TCF12: variants seen among roughly 807,000 people sequenced by gnomAD.
TCF12 encodes the protein transcription factor 12, also known as DNA-binding protein HTF4.
A neutral mutation model predicts 86.0 loss-of-function variants in TCF12; 45 were observed. The observed-to-expected ratio is 0.52, with a 90% CI of 0.41 to 0.67. TCF12 has a LOEUF of 0.67. TCF12 is among the 30% of genes least tolerant of loss of function. The pLI is 0.00. For synonymous variants in TCF12, 330 were observed against 299.6 expected (o/e 1.10, Z -1.05); for missense variants, 881 against 859.9 (o/e 1.02, Z -0.31).
intron 3 of TCF12, among the ~76,000 whole-genome samples, chr15:56,948,368 T>A (rs188568659): frequency 1.9e-4 from 29 of 152,356 alleles, no homozygotes; most frequent in African/African-American, 7.0e-4. Flanking sequence ...GTTGCTCTGA[T>A]GTCATAATGA....
At chr15:57,248,192 G>A in intron 13 of TCF12, 1 of 664,362 alleles carries the variant, frequency 1.5e-6, no homozygotes. Flanking sequence ...GCCAGCACTG[G>A]GCCTAATGCA....
At chr15:57,242,873 A>G (rs997144665) in intron 12 of TCF12, among the ~76,000 whole-genome samples, 2 of 152,234 alleles carry the variant, frequency 1.3e-5, no homozygotes, top group Non-Finnish European at 2.9e-5. Context: ...TTTTTGAAGC[A>G]TAACAGGATT....
intron 5 of TCF12, among the ~76,000 whole-genome samples, chr15:57,151,688 C>T (rs1315370306): frequency 6.6e-6 from 1 of 151,986 alleles, no homozygotes; most frequent in African/African-American, 2.4e-5. Flanking sequence ...TCGTTTGAAC[C>T]CAGGAGGTGG....
chr15:57,029,700 C>T (rs889280188), intron 3 of TCF12, among the ~76,000 whole-genome samples: 2 of 152,142 alleles, frequency 1.3e-5, no homozygotes, highest in African/African-American at 4.8e-5. Flanking sequence ...AGTTCTGTTA[C>T]CCTATAAACC....
intron 13 of TCF12, 193 bp from the exon 14 acceptor site, chr15:57,251,157 C>A: frequency 8.9e-6 from 4 of 450,322 alleles, no homozygotes; most frequent in Non-Finnish European, 1.2e-5. Flanking sequence ...TCTCAGCACC[C>A]CATTTTTTTT....
chr15:56,945,807 G>A (rs2140395436), intron 3 of TCF12, among the ~76,000 whole-genome samples: 2 of 152,236 alleles, frequency 1.3e-5, no homozygotes, highest in Middle Eastern at 3.4e-3. Context: ...GGCTGTGAGG[G>A]CTTCATCCTC....
chr15:56,937,169 C>A (rs1424877375), intron 3 of TCF12, among the ~76,000 whole-genome samples: 1 of 152,056 alleles, frequency 6.6e-6, no homozygotes, highest in Non-Finnish European at 1.5e-5. Flanking sequence ...GGTAGTTTTC[C>A]TTGTAGACGT....
chr15:57,029,259 A>T (rs1229252918), intron 3 of TCF12, among the ~76,000 whole-genome samples: 1 of 151,466 alleles, frequency 6.6e-6, no homozygotes, highest in Non-Finnish European at 1.5e-5. Context: ...TTGGTGCCTT[A>T]GTTGAAAATC....
intron 6 of TCF12, among the ~76,000 whole-genome samples, chr15:57,178,032 T>C (rs2056079880): frequency 6.6e-6 from 1 of 152,208 alleles, no homozygotes; most frequent in Non-Finnish European, 1.5e-5. Flanking sequence ...GTTTATTCTT[T>C]CGTAAACTTA....
chr15:56,928,216 C>T (rs750708687), intron 3 of TCF12, among the ~76,000 whole-genome samples: 2 of 152,060 alleles, frequency 1.3e-5, no homozygotes, highest in Non-Finnish European at 2.9e-5. Context: ...TAATAATGCC[C>T]ACCTACAGAA....
chr15:56,933,989 A>G (rs1026973372), intron 3 of TCF12, among the ~76,000 whole-genome samples: 1 of 152,094 alleles, frequency 6.6e-6, no homozygotes, highest in Non-Finnish European at 1.5e-5. Context: ...ATGAATCATC[A>G]GAATCTCTTA....
intron 20 of TCF12, among the ~76,000 whole-genome samples, chr15:57,285,249 T>G (rs1480520136): frequency 6.6e-6 from 1 of 152,220 alleles, no homozygotes; most frequent in African/African-American, 2.4e-5. Context: ...TTGAATATCT[T>G]AGTTTTCCGT....
intron 5 of TCF12, among the ~76,000 whole-genome samples, chr15:57,145,248 G>A (rs1403939173): frequency 6.6e-6 from 1 of 152,130 alleles, no homozygotes; most frequent in Non-Finnish European, 1.5e-5. Context: ...TTACATTAAT[G>A]AGTATTGGTA....
intron 3 of TCF12, among the ~76,000 whole-genome samples, chr15:57,048,555 C>T (rs538785447): frequency 1.3e-5 from 2 of 152,278 alleles, no homozygotes; most frequent in South Asian, 2.1e-4. Context: ...GCCGCTGCAC[C>T]CAGCCTCCTC....
At chr15:57,130,920 G>A (rs975567458) in intron 5 of TCF12, among the ~76,000 whole-genome samples, 6 of 152,278 alleles carry the variant, frequency 3.9e-5, no homozygotes, top group African/African-American at 1.2e-4. Flanking sequence ...AAATTGGTAA[G>A]TCATGGAATT....
At chr15:56,943,011 A>G (rs570282635) in intron 3 of TCF12, among the ~76,000 whole-genome samples, 1 of 152,334 alleles carries the variant, frequency 6.6e-6, no homozygotes, top group East Asian at 1.9e-4. Context: ...AAAAATTTAA[A>G]CAGTATGGAA....
At chr15:57,075,821 TC>T (rs1567370922) in intron 4 of TCF12, among the ~76,000 whole-genome samples, 1 of 80,098 alleles carries the variant, frequency 1.2e-5, no homozygotes, top group East Asian at 4.7e-4. Context: ...TCTCTCTCTC[TC>T]TCTCTCTCTC....
At position 56,945,214 on chromosome 15, in the gene TCF12, A is replaced by G. The variant is rs187521341; in HGVS notation, c.148+24116A>G. Among the ~76,000 whole-genome samples, 35 of 152,138 alleles carry G rather than the reference A, an allele frequency of 2.3e-4. 1 individual carries two copies. In the East Asian group the frequency reaches 6.2e-3, roughly 27 times the overall value. On this transcript the variant is annotated intron_variant, in intron 3 of 20. Coordinates refer to ENST00000333725, the MANE Select transcript of TCF12 (RefSeq NM_207037.2). ...ATTCACAATATTCCATTATTGTTTT[A>G]TTGTGTTTAAGATATGTAGTCATGT...
At chr15:57,204,690 A>C (rs1215117253) in intron 8 of TCF12, among the ~76,000 whole-genome samples, 2 of 152,136 alleles carry the variant, frequency 1.3e-5, no homozygotes, top group African/African-American at 4.8e-5. Flanking sequence ...GCGTGCTGCT[A>C]TACATACTAA....
Sources: allele counts gnomAD v4.1 joint callset (sites outside exome capture counted in the v4.1 genomes callset), GRCh38; gene constraint gnomAD v4.1.1; transcripts MANE v1.5; gene names NCBI Gene and HGNC (gene_info 2026-07-23, HGNC 2026-07-21).